Variants in UBR4 observed in about 807,000 individuals in gnomAD.
UBR4 encodes the protein E3 ubiquitin-protein ligase UBR4.
UBR4 carries 124 observed loss-of-function variants against 575.6 expected under a neutral mutation model. That is an observed-to-expected ratio of 0.22 (90% CI 0.19 to 0.25). The LOEUF (loss-of-function observed/expected upper bound fraction) is 0.25. Among genes scored for constraint, UBR4 ranks in the 10% least tolerant of loss-of-function variants. UBR4 has a pLI of 1.00. For missense variants in UBR4, 4,818 were observed against 6,478.8 expected, an observed-to-expected ratio of 0.74 and a Z score of 8.80; for synonymous variants, 2,455 against 2,473.7, an observed-to-expected ratio of 0.99 and a Z score of 0.22.
In UBR4 at chr1:19,192,340, C is replaced by T. The variant is rs141782169; in HGVS notation, c.1242G>A (p.Leu414=). 7.4e-6 allele frequency: 12 copies of T among 1,614,078 alleles called. No individual in the cohort carries two copies. In the African/African-American group the frequency reaches 1.3e-4, roughly 18 times the overall value. Residue 414 remains leucine, a synonymous_variant, in exon 11 of 106, where the codon TTG becomes TTA. Transcript: ENST00000375254. ...TCAGTATGAGGAAAAGGCTGTTTAACAAGCACCAAGCACCCAGCAATTGGA... is the reference window on the plus strand; with the variant it reads ...TCAGTATGAGGAAAAGGCTGTTTAATAAGCACCAAGCACCCAGCAATTGGA... ...QNFQLLGAWC[L]LNSLFLILNL... is the part of the protein sequence containing the mutation.
intron 89 of UBR4, 142 bp from the exon 90 acceptor site, chr1:19,099,819 A>C (rs2078437408): frequency 1.5e-6 from 1 of 672,868 alleles, no homozygotes; most frequent in African/African-American, 1.8e-5. Context: ...CACTCTTAAA[A>C]AATCCGCACG....
chr1:19,122,463 C>T (rs760498869), intron 66 of UBR4, among the ~76,000 whole-genome samples: 18 of 152,238 alleles, frequency 1.2e-4, no homozygotes, highest in African/African-American at 4.3e-4. Flanking sequence ...GGCAGCAATA[C>T]ATTTTTCTAC....
At position 19,100,326 on chromosome 1, in the gene UBR4, G is replaced by A. The variant is rs1214502982; in HGVS notation, c.13221+50C>T. The A allele has an allele frequency of 6.2e-7, 1 of 1,605,544 alleles. No homozygotes were observed. The highest frequency in any genetic ancestry group is 8.5e-7 in the Non-Finnish European group (1 of 1,173,748). ...AAGCACCTGGATTTGGTTAGCCTAG[G>A]AGGAAGCCCCTAATCGTAAACGTGG... is the stretch of plus-strand genomic sequence containing the variant. On this transcript the variant is annotated intron_variant, in intron 89 of 105. Transcript: ENST00000375254. This position sits in a 1 kb window ranked among gnomAD's most constrained non-coding sequence, Gnocchi z 4.2.
chr1:19,105,808 T>C lies in UBR4; in HGVS notation c.12428A>G (p.Gln4143Arg). Residue 4143 changes from glutamine to arginine, a missense_variant, in exon 84 of 106, where the codon CAG (glutamine) becomes CGG (arginine). Around this residue, in one of 29 missense-constraint regions of UBR4, gnomAD observed 178 missense variants for 175.5 expected, o/e 1.01. Coordinates refer to ENST00000375254, the MANE Select transcript of UBR4 (RefSeq NM_020765.3). ...AGCTTCCACAATGGTACAGGCTGCC[T>C]GCCGTGCGGCCTGCGTTGCTGGAGT... is the stretch of plus-strand genomic sequence containing the variant. ...LFTPATQAARQAACTIVEALA... is the reference protein window; with the variant it reads ...LFTPATQAARRAACTIVEALA... 6.2e-7 allele frequency: 1 copy of C among 1,609,938 alleles called. No homozygotes were observed. Among genetic ancestry groups the C allele is most frequent in the Non-Finnish European group, 8.5e-7 (1 of 1,178,784 alleles).
At chr1:19,156,536 G>A in intron 41 of UBR4, 113 bp from the exon 42 acceptor site, 1 of 1,360,860 alleles carries the variant, frequency 7.3e-7, no homozygotes, top group South Asian at 1.5e-5. Context: ...CCTTCAGACA[G>A]TATTTAGACT....
At chr1:19,155,383 G>C (rs766675515) in intron 43 of UBR4, 58 bp downstream of exon 43, 34 of 1,478,574 alleles carry the variant, frequency 2.3e-5, no homozygotes, top group Non-Finnish European at 3.1e-5. Context: ...AAAAAGAATA[G>C]AGGAGTTGCT....
chr1:19,105,302 G>T, intron 84 of UBR4, 113 bp from the exon 85 acceptor site: 1 of 1,275,018 alleles, frequency 7.8e-7, no homozygotes, highest in Non-Finnish European at 1.1e-6. Flanking sequence ...TGTCTCTCCT[G>T]CTTCCTAGAG....
At position 19,190,312 on chromosome 1, in the gene UBR4, A is replaced by AAAAAAAAT; in HGVS notation, c.1394+1875_1394+1876insATTTTTTT. 1.0e-4 allele frequency among the ~76,000 whole-genome samples: 8 copies of AAAAAAAAT among 79,914 alleles called. No individual in the cohort carries two copies. In the East Asian group the frequency reaches 2.3e-3, roughly 23 times the overall value. 52.4% of individuals were successfully genotyped at this position (79,914 alleles called of 152,430 possible). A position where few individuals can be genotyped will look rare whatever the true frequency, so the allele number is the denominator to read the frequency against. On this transcript the variant is annotated intron_variant, in intron 11 of 105. Coordinates refer to ENST00000375254, the MANE Select transcript of UBR4 (RefSeq NM_020765.3). ...TGCCTCAAAAAAAAAAAAAAAAAAA[A>AAAAAAAAT]ATATATATATATATATATTTGTATG...
intron 2 of UBR4, among the ~76,000 whole-genome samples, chr1:19,201,060 G>A (rs954185146): frequency 2.0e-5 from 3 of 152,140 alleles, no homozygotes; most frequent in African/African-American, 7.2e-5. Context: ...AATCACTAGA[G>A]CCCAGGAGTT....
intron 34 of UBR4, among the ~76,000 whole-genome samples, chr1:19,163,383 T>G (rs2087724789): frequency 6.6e-6 from 1 of 152,208 alleles, no homozygotes; most frequent in Admixed American, 6.5e-5. Flanking sequence ...AAACAAAGCT[T>G]AGCATCTGGA....
intron 38 of UBR4, among the ~76,000 whole-genome samples, 175 bp downstream of exon 38, chr1:19,160,742 C>A (rs1236061065): frequency 1.3e-5 from 2 of 152,174 alleles, no homozygotes; most frequent in Non-Finnish European, 2.9e-5. Context: ...CCTAATAGTG[C>A]TCAGTCATAA....
intron 38 of UBR4, 81 bp from the exon 39 acceptor site, chr1:19,160,362 C>T: frequency 7.6e-7 from 1 of 1,310,288 alleles, no homozygotes; most frequent in Non-Finnish European, 1.0e-6. Context: ...ATCATCTTGC[C>T]AGTAACTTCC....
chr1:19,089,073 C>T lies in UBR4; in HGVS notation c.14212-96G>A. 8.2e-7 allele frequency: 1 copy of T among 1,221,064 alleles called. No homozygotes were observed. The highest frequency in any genetic ancestry group is 2.0e-5 in the Admixed American group (1 of 48,926). The allele number at this position is 1,221,064 out of a possible 1,614,324, so 75.6% of individuals were successfully genotyped here. ...GGTTTAGAAACTCAACCAGCATGCA[C>T]CATCTCATGTCACCTGCTCAGCTGC... On this transcript the variant is annotated intron_variant, in intron 97 of 105. Coordinates refer to ENST00000375254, the MANE Select transcript of UBR4 (RefSeq NM_020765.3). The surrounding 1 kb of genome is among the most constrained non-coding windows in gnomAD (Gnocchi z 4.3).
At position 19,121,443 on chromosome 1, in the gene UBR4, A is replaced by G. The variant is rs1437303900; in HGVS notation, c.9896-9T>C. 9 of 1,610,232 alleles carry G rather than the reference A, an allele frequency of 5.6e-6. No homozygotes were observed. The highest frequency in any genetic ancestry group is 7.6e-6 in the Non-Finnish European group (9 of 1,177,340). On this transcript the variant is annotated splice_polypyrimidine_tract_variant and intron_variant, in intron 67 of 105. Transcript: ENST00000375254. ...GAGGAAGTACAGGACGGCTGCAAGC[A>G]GAGGAGACAGAGGCTCACCTCTGAG...
chr1:19,122,033 G>A (rs377277325), intron 66 of UBR4, 21 bp from the exon 67 acceptor site: 199 of 1,613,136 alleles, frequency 1.2e-4, no homozygotes, highest in East Asian at 1.6e-4. Flanking sequence ...AACCAACCAC[G>A]GGAAAGGAGT....
At chr1:19,165,376 GA>G in intron 30 of UBR4, 27 bp from the exon 31 acceptor site, 1 of 1,565,564 alleles carries the variant, frequency 6.4e-7, no homozygotes, top group Non-Finnish European at 8.8e-7. Context: ...GAGAAAAATG[GA>G]AAGAATCACA....
rs533564846 is a variant in UBR4, at chr1:19,087,424, T to C, written c.14544+392A>G. 3.3e-5 allele frequency among the ~76,000 whole-genome samples: 5 copies of C among 152,380 alleles called. No homozygotes were observed. The South Asian group carries it at 8.3e-4, about 25-fold the overall frequency. ...CTGAATGGAGGCAGCATGGTATGTT[T>C]TTAAAAGCCCAGGTCTGGAGTCTGA... On this transcript the variant is annotated intron_variant, in intron 99 of 105. Transcript: ENST00000375254.
Position 19,079,249 on chromosome 1 carries a change from C to CA in UBR4, c.15234-1184dup, listed in dbSNP as rs912093097. On this transcript the variant is annotated intron_variant, in intron 103 of 105. Transcript: ENST00000375254. ...ACACCTGCATTCAATAAATAACTCGCAAAAAACAAATAATATTAAATGGGG... is the reference window on the plus strand; with the variant it reads ...ACACCTGCATTCAATAAATAACTCGCAAAAAAACAAATAATATTAAATGGGG... 2.6e-5 allele frequency: 4 copies of CA among 152,210 alleles called. No homozygotes were observed. In the South Asian group the frequency reaches 6.2e-4, roughly 24 times the overall value. 9.4% of individuals were successfully genotyped at this position (152,210 alleles called of 1,614,324 possible).
chr1:19,156,850 C>A lies in UBR4; in HGVS notation c.5836G>T (p.Ala1946Ser). ...SKRKLTLTRLASAPVPFTVLS... is the reference protein window; with the variant it reads ...SKRKLTLTRLSSAPVPFTVLS... ...ACAGTAAAAGGAACTGGGGCAGAAGCCAAGCGGGTCAGAGTTAACTTCCTT... is the reference window on the plus strand; with the variant it reads ...ACAGTAAAAGGAACTGGGGCAGAAGACAAGCGGGTCAGAGTTAACTTCCTT... The change falls in exon 41 of 106, where the codon GCT (alanine) becomes TCT (serine). Residue 1946 changes from alanine (A) to serine (S), a missense_variant. Physicochemically the swap from Ala to Ser is moderately conservative, Grantham distance 99. This residue lies in a region of UBR4 where 461 missense variants were observed against 606.9 expected (regional missense o/e 0.76). Coordinates refer to ENST00000375254, the MANE Select transcript of UBR4 (RefSeq NM_020765.3). 1 of 1,614,138 alleles carries A rather than the reference C, an allele frequency of 6.2e-7. No homozygotes were observed. The highest frequency in any genetic ancestry group is 8.5e-7 in the Non-Finnish European group (1 of 1,180,004).
Sources: gnomAD v4.1 joint callset for allele counts (sites outside exome capture counted in the v4.1 genomes callset) on GRCh38, gnomAD v4.1.1 for gene constraint, gnomAD v4.1.1 regional missense constraint, Gnocchi (gnomAD v3.1) non-coding constraint, MANE v1.5 for transcripts, NCBI Gene and HGNC (gene_info 2026-07-23, HGNC 2026-07-21) for gene names.